PTPN14: variants seen among roughly 807,000 people sequenced by gnomAD.
PTPN14 encodes the protein protein tyrosine phosphatase non-receptor type 14.
A neutral mutation model predicts 126.8 loss-of-function variants in PTPN14; 53 were observed. That is an observed-to-expected ratio of 0.42 (90% confidence interval 0.34 to 0.53). The LOEUF (loss-of-function observed/expected upper bound fraction) is 0.53, where lower values mean the gene tolerates loss of function less well. Among genes scored for constraint, PTPN14 ranks in the 20% least tolerant of loss-of-function variants. The pLI is 0.08. For missense variants in PTPN14, 1,257 were observed against 1,552.9 expected (o/e 0.81, Z 3.20); for synonymous variants, 630 against 599.3 (o/e 1.05, Z -0.75).
intron 3 of PTPN14, among the ~76,000 whole-genome samples, chr1:214,445,091 ATCC>A (rs1660112980): frequency 6.6e-6 from 1 of 152,186 alleles, no homozygotes; most frequent in Non-Finnish European, 1.5e-5. Context: ...TATTTTAAAA[ATCC>A]TCCTGGTGAT....
intron 3 of PTPN14, among the ~76,000 whole-genome samples, chr1:214,427,651 G>T (rs112564739): frequency 3.4e-4 from 52 of 152,220 alleles, no homozygotes; most frequent in African/African-American, 1.2e-3. Flanking sequence ...AGTCTAGTGG[G>T]GAAGACAAGC....
At chr1:214,467,185 C>T (rs1325151189) in intron 1 of PTPN14, among the ~76,000 whole-genome samples, 1 of 152,078 alleles carries the variant, frequency 6.6e-6, no homozygotes, top group East Asian at 1.9e-4. Flanking sequence ...CACCCCCAAC[C>T]CAAAGAAAAA....
intron 12 of PTPN14, among the ~76,000 whole-genome samples, chr1:214,386,378 G>C (rs1204506268): frequency 6.6e-6 from 1 of 152,196 alleles, no homozygotes; most frequent in African/African-American, 2.4e-5. Flanking sequence ...AAAAAAGCAA[G>C]TGTACCAAGA....
At chr1:214,514,701 C>T (rs1241036993) in intron 1 of PTPN14, among the ~76,000 whole-genome samples, 3 of 152,186 alleles carry the variant, frequency 2.0e-5, no homozygotes, top group Non-Finnish European at 4.4e-5. Flanking sequence ...CCAACTCCTC[C>T]ATCATCCAAA....
chr1:214,525,493 T>G (rs1250012297), intron 1 of PTPN14, among the ~76,000 whole-genome samples: 1 of 152,164 alleles, frequency 6.6e-6, no homozygotes, highest in African/African-American at 2.4e-5. Flanking sequence ...AAGTTTAAAT[T>G]TACTATTTAA....
intron 1 of PTPN14, among the ~76,000 whole-genome samples, chr1:214,486,569 A>G (rs1485514978): frequency 6.6e-6 from 1 of 152,222 alleles, no homozygotes; most frequent in Non-Finnish European, 1.5e-5. Context: ...CGGAGTACTT[A>G]GGGTTGGGAC....
At chr1:214,531,192 T>C (rs1655537349) in intron 1 of PTPN14, 1 of 152,162 alleles carries the variant, frequency 6.6e-6, no homozygotes, top group Non-Finnish European at 1.5e-5. Context: ...TCATTAATAC[T>C]CTTAATACTC....
chr1:214,412,749 G>T (rs1571983951), intron 4 of PTPN14, among the ~76,000 whole-genome samples: 2 of 152,132 alleles, frequency 1.3e-5, no homozygotes, highest in Non-Finnish European at 2.9e-5. Flanking sequence ...CAACAAAAAG[G>T]GAATCCAGAG....
rs1657688328 is a variant in PTPN14, at chr1:214,350,707, A to ATTTTTTGTTT, written c.*7214_*7215insAAACAAAAAA. 1 of 74,554 alleles carries ATTTTTTGTTT rather than the reference A, an allele frequency of 1.3e-5. No individual in the cohort carries two copies. The allele number at this position is 74,554 out of a possible 1,614,324, so 4.6% of individuals were successfully genotyped here. A position where few individuals can be genotyped will look rare whatever the true frequency, so the allele number is the denominator to read the frequency against. On this transcript the variant is annotated 3_prime_UTR_variant, in exon 19 of 19. Coordinates refer to ENST00000366956, the MANE Select transcript of PTPN14 (RefSeq NM_005401.5). ...AGGCATGTGCCACCATGCCTGGCTA[A>ATTTTTTGTTT]TTTTTTTTTTTTTTTTTTTTTTTGT...
At chr1:214,462,728 G>C (rs1033339080) in intron 2 of PTPN14, among the ~76,000 whole-genome samples, 3 of 152,144 alleles carry the variant, frequency 2.0e-5, no homozygotes, top group Admixed American at 2.0e-4. Context: ...TTTATTTAAA[G>C]GCTGGACTCC....
At chr1:214,492,568 C>T (rs1661273953) in intron 1 of PTPN14, among the ~76,000 whole-genome samples, 1 of 152,122 alleles carries the variant, frequency 6.6e-6, no homozygotes, top group African/African-American at 2.4e-5. Flanking sequence ...ACAATGGTAT[C>T]ATCAAATGAG....
chr1:214,395,039 G>A, intron 8 of PTPN14, 53 bp from the exon 9 acceptor site: 1 of 1,465,442 alleles, frequency 6.8e-7, no homozygotes, highest in Non-Finnish European at 9.5e-7. Context: ...AGGCATTTAT[G>A]ATACAGCAGA....
At chr1:214,447,277 T>C (rs1237469890) in intron 3 of PTPN14, among the ~76,000 whole-genome samples, 5 of 152,170 alleles carry the variant, frequency 3.3e-5, no homozygotes, top group Non-Finnish European at 7.3e-5. Flanking sequence ...GGACCTCAGA[T>C]GCTGCTAAAA....
chr1:214,454,762 C>G (rs1198960297), intron 2 of PTPN14, among the ~76,000 whole-genome samples: 1 of 152,160 alleles, frequency 6.6e-6, no homozygotes, highest in Non-Finnish European at 1.5e-5. Context: ...CCAGAGGACA[C>G]AGAATATTTC....
chr1:214,386,112 A>C (rs1488582318), intron 12 of PTPN14, among the ~76,000 whole-genome samples: 1 of 152,186 alleles, frequency 6.6e-6, no homozygotes, highest in Non-Finnish European at 1.5e-5. Flanking sequence ...TTCATATATA[A>C]GTTCCATCAT....
rs1200186290 is a variant in PTPN14 at position 214,351,811 on chromosome 1, C to T, written c.*6111G>A. ...GCATGCCACTTGGTGGTTTCCATCA[C>T]TCTGACATTACAGAAAGGGAGGCAG... On this transcript the variant is annotated 3_prime_UTR_variant, in exon 19 of 19. Transcript: ENST00000366956. 1 of 152,242 alleles carries T rather than the reference C, an allele frequency of 6.6e-6. No homozygotes were observed. Among genetic ancestry groups the T allele is most frequent in the Non-Finnish European group, 1.5e-5 (1 of 68,052 alleles). 9.4% of individuals were successfully genotyped at this position (152,242 alleles called of 1,614,324 possible). A position where few individuals can be genotyped will look rare whatever the true frequency, so the allele number is the denominator to read the frequency against.
chr1:214,389,649 T>C (rs993576861), intron 11 of PTPN14, among the ~76,000 whole-genome samples: 1 of 152,158 alleles, frequency 6.6e-6, no homozygotes, highest in African/African-American at 2.4e-5. Context: ...CCAAATAAAA[T>C]AGGTAAGCCT....
At chr1:214,402,609 T>C (rs1659049943) in intron 6 of PTPN14, among the ~76,000 whole-genome samples, 1 of 123,478 alleles carries the variant, frequency 8.1e-6, no homozygotes, top group Non-Finnish European at 1.6e-5. Flanking sequence ...GCACAGGCTG[T>C]CTCAGGCTTC....
intron 1 of PTPN14, among the ~76,000 whole-genome samples, chr1:214,546,261 G>T (rs1055600633): frequency 3.3e-5 from 5 of 152,168 alleles, no homozygotes; most frequent in Admixed American, 3.3e-4. Flanking sequence ...CATGGGGAAC[G>T]GCAACCTTTG....
Sources: allele counts gnomAD v4.1 joint callset (sites outside exome capture counted in the v4.1 genomes callset), GRCh38; gene constraint gnomAD v4.1.1; transcripts MANE v1.5; gene names NCBI Gene and HGNC (gene_info 2026-07-23, HGNC 2026-07-21).